Variants in UNKL observed in about 807,000 individuals in gnomAD.
UNKL encodes putative E3 ubiquitin-protein ligase UNKL.
A neutral mutation model predicts 78.0 loss-of-function variants in UNKL; 60 were observed. The observed-to-expected ratio is 0.77, with a 90% CI of 0.63 to 0.95. UNKL has a LOEUF of 0.95. Among genes scored for constraint, UNKL ranks in the 40% least tolerant of loss-of-function variants. The pLI, the probability that UNKL is intolerant of heterozygous loss-of-function variation, is 0.00. For synonymous variants in UNKL, 608 were observed against 474.8 expected, an observed-to-expected ratio of 1.28 and a Z score of -3.65; for missense variants, 1,159 against 1,045.7, an observed-to-expected ratio of 1.11 and a Z score of -1.49.
intron 11 of UNKL, among the ~76,000 whole-genome samples, chr16:1,371,155 C>T (rs924225768): frequency 1.1e-4 from 16 of 151,920 alleles, no homozygotes; most frequent in African/African-American, 3.9e-4. Flanking sequence ...ATACATTTAT[C>T]CTTCGGGGAC....
At chr16:1,389,846 C>CA (rs1306251317) in intron 9 of UNKL, among the ~76,000 whole-genome samples, 1 of 152,198 alleles carries the variant, frequency 6.6e-6, no homozygotes, top group Non-Finnish European at 1.5e-5. Flanking sequence ...GACAGGGCCT[C>CA]ACTCTGTCGC....
rs1464209137 is a variant in UNKL at position 1,364,861 on chromosome 16, G to A, written c.*1379C>T. 6.6e-6 allele frequency: 1 copy of A among 152,312 alleles called. No individual in the cohort carries two copies. The highest frequency in any genetic ancestry group is 1.9e-4 in the East Asian group (1 of 5,198). 9.4% of individuals were successfully genotyped at this position (152,312 alleles called of 1,614,324 possible). ...AGCATCTCCCACACGAGCAGGACCA[G>A]GGTGGTCACGGGTGCTGGGGAGGCA... On this transcript the variant is annotated 3_prime_UTR_variant, in exon 15 of 15. Coordinates refer to ENST00000389221, the MANE Select transcript of UNKL (RefSeq NM_001372107.1).
chr16:1,395,996 G>A (rs1376914040), intron 6 of UNKL, among the ~76,000 whole-genome samples: 4 of 152,164 alleles, frequency 2.6e-5, no homozygotes, highest in African/African-American at 9.7e-5. Context: ...AGGCTGGAGT[G>A]CAGTGGCGCA....
chr16:1,406,186 C>T, intron 2 of UNKL: 1 of 371,426 alleles, frequency 2.7e-6, no homozygotes, highest in Non-Finnish European at 5.4e-6. Flanking sequence ...ATGGGAGGAA[C>T]AGGCGTACTC....
chr16:1,380,289 G>T (rs575606158), intron 10 of UNKL, among the ~76,000 whole-genome samples: 5 of 149,502 alleles, frequency 3.3e-5, no homozygotes, highest in African/African-American at 1.2e-4. Context: ...TTAACACAAG[G>T]AAAAAACGAC....
chr16:1,390,144 G>A (rs186850950), intron 9 of UNKL, among the ~76,000 whole-genome samples: 1 of 152,126 alleles, frequency 6.6e-6, no homozygotes, highest in Non-Finnish European at 1.5e-5. Flanking sequence ...GTGCCACCAT[G>A]CCTGGCTAAT....
At position 1,365,213 on chromosome 16, in the gene UNKL, G is replaced by C. The variant is rs1485910436; in HGVS notation, c.*1027C>G. The C allele has an allele frequency of 6.6e-6, 1 of 152,070 alleles. No homozygotes were observed. Among genetic ancestry groups the C allele is most frequent in the Non-Finnish European group, 1.5e-5 (1 of 68,024 alleles). 9.4% of individuals were successfully genotyped at this position (152,070 alleles called of 1,614,324 possible). A position where few individuals can be genotyped will look rare whatever the true frequency, so the allele number is the denominator to read the frequency against. ...GCACCATGTTGGCCAGGCTGGTCTTGAACTCCTGACCTTAGGTGATCCACC... is the reference window on the plus strand; with the variant it reads ...GCACCATGTTGGCCAGGCTGGTCTTCAACTCCTGACCTTAGGTGATCCACC... On this transcript the variant is annotated 3_prime_UTR_variant, in exon 15 of 15. Coordinates refer to ENST00000389221, the MANE Select transcript of UNKL (RefSeq NM_001372107.1).
At chr16:1,398,021 G>A (rs1310611660) in intron 5 of UNKL, among the ~76,000 whole-genome samples, 1 of 152,240 alleles carries the variant, frequency 6.6e-6, no homozygotes, top group Admixed American at 6.5e-5. Context: ...AATTTAACTT[G>A]AGTCTCAGTC....
rs1283562646 is a variant in UNKL, at chr16:1,399,752, C to A, written c.599-243G>T. On this transcript the variant is annotated intron_variant, in intron 4 of 14. Transcript: ENST00000389221. This position sits in a 1 kb window ranked among gnomAD's most constrained non-coding sequence, Gnocchi z 5.8. ...GTGAAAATGCCCAGAACTAGGGAAC[C>A]CACAGAGACGGAGTGGAGCCGAGAC... Among the ~76,000 whole-genome samples, 1 of 152,202 alleles carries A rather than the reference C, an allele frequency of 6.6e-6. No individual in the cohort carries two copies. Among genetic ancestry groups the A allele is most frequent in the Non-Finnish European group, 1.5e-5 (1 of 68,040 alleles).
At chr16:1,398,679 G>GCCCCCCCCCCCCCCC in intron 5 of UNKL, 1 of 1,356,384 alleles carries the variant, frequency 7.4e-7, no homozygotes, top group Non-Finnish European at 9.5e-7. Context: ...TGTGGGGTCT[G>GCCCCCCCCCCCCCCC]CACCCCCCCA....
Position 1,370,328 on chromosome 16 carries a change from C to A in UNKL, c.1387G>T (p.Val463Phe). ...CTGGGCAGGGAGCCGGGGATGGCGA[C>A]AGGTGCAGAGCCGGCCAGCGACCTG... ...GPRSLAGSAPVAIPGSLPRAP... is the reference protein window; with the variant it reads ...GPRSLAGSAPFAIPGSLPRAP... The change falls in exon 12 of 15, where the codon GTC (valine) becomes TTC (phenylalanine). Residue 463 changes from valine (V) to phenylalanine (F), a missense_variant. By Grantham distance (50) the Val-to-Phe change is conservative. Coordinates refer to ENST00000389221, the MANE Select transcript of UNKL (RefSeq NM_001372107.1). 6.5e-7 allele frequency: 1 copy of A among 1,532,994 alleles called. No individual in the cohort carries two copies. Among genetic ancestry groups the A allele is most frequent in the Non-Finnish European group, 8.7e-7 (1 of 1,145,846 alleles). 95.0% of individuals were successfully genotyped at this position (1,532,994 alleles called of 1,614,324 possible). A position where few individuals can be genotyped will look rare whatever the true frequency, so the allele number is the denominator to read the frequency against.
chr16:1,390,955 A>G lies in UNKL; in HGVS notation c.1024-261T>C, dbSNP rs2037021373. The stretch of plus-strand genomic sequence containing the variant: ...TGAGGCAAGAAAATCGCTTGAACCC[A>G]GGAGGTGGAGGTTGCAGTGAGCCGA... On this transcript the variant is annotated intron_variant, in intron 8 of 14. Transcript: ENST00000389221. Among the ~76,000 whole-genome samples, 3 of 152,216 alleles carry G rather than the reference A, an allele frequency of 2.0e-5. No individual in the cohort carries two copies. In the South Asian group the frequency reaches 6.2e-4, roughly 32 times the overall value.
intron 2 of UNKL, among the ~76,000 whole-genome samples, chr16:1,409,453 C>T (rs899699145): frequency 6.6e-5 from 10 of 152,180 alleles, no homozygotes; most frequent in African/African-American, 2.4e-4. Context: ...CCTAAAGGGC[C>T]GGTCGAAGCA....
Position 1,401,659 on chromosome 16 carries a change from G to T in UNKL, c.507C>A (p.Gly169=). ...GCAGATCCGGGACCCCTTCCCCGCC[G>T]CCCAGCTGGCCGTTCTGCAAGGCTT... is the stretch of plus-strand genomic sequence containing the variant. The part of the protein sequence containing the change: ...AQEALQNGQL[G]GGEGVPDLQP... The change falls in exon 4 of 15, where the codon GGC becomes GGA. Residue 169 remains glycine, a synonymous_variant. Coordinates refer to ENST00000389221, the MANE Select transcript of UNKL (RefSeq NM_001372107.1). 1 of 1,611,722 alleles carries T rather than the reference G, an allele frequency of 6.2e-7. No homozygotes were observed. Among genetic ancestry groups the T allele is most frequent in the Non-Finnish European group, 8.5e-7 (1 of 1,179,168 alleles).
At chr16:1,394,542 T>A in intron 6 of UNKL, 1 of 521,206 alleles carries the variant, frequency 1.9e-6, no homozygotes, top group Non-Finnish European at 3.7e-6. Flanking sequence ...AGGTGCCTAA[T>A]AAGTGCCTAT....
At chr16:1,383,989 C>A in intron 10 of UNKL, 1 of 208,818 alleles carries the variant, frequency 4.8e-6, no homozygotes, top group Non-Finnish European at 1.1e-5. Flanking sequence ...CCTCACTGTA[C>A]CCCCAACCCC....
At chr16:1,371,039 C>A (rs1293701173) in intron 11 of UNKL, among the ~76,000 whole-genome samples, 1 of 147,682 alleles carries the variant, frequency 6.8e-6, no homozygotes, top group Non-Finnish European at 1.5e-5. Flanking sequence ...GCGGAGATCG[C>A]GCCACTGCAC....
At position 1,399,360 on chromosome 16, in the gene UNKL, T is replaced by A; in HGVS notation, c.734+14A>T. 6.4e-7 allele frequency: 1 copy of A among 1,574,310 alleles called. No homozygotes were observed. On this transcript the variant is annotated intron_variant, in intron 5 of 14. Coordinates refer to ENST00000389221, the MANE Select transcript of UNKL (RefSeq NM_001372107.1). This position sits in a 1 kb window ranked among gnomAD's most constrained non-coding sequence, Gnocchi z 5.8. ...ACCAGCCGGAGTCCTCTGAGCACGG[T>A]CCCGCAGGCTCACCTGTACTGGAAC...
intron 10 of UNKL, among the ~76,000 whole-genome samples, chr16:1,376,016 G>A (rs186731776): frequency 6.6e-6 from 1 of 152,204 alleles, no homozygotes; most frequent in Non-Finnish European, 1.5e-5. Flanking sequence ...AGCGGCCTTG[G>A]ACAGGTGGCT....
Sources: gnomAD v4.1 joint callset for allele counts (sites outside exome capture counted in the v4.1 genomes callset) on GRCh38, gnomAD v4.1.1 for gene constraint, Gnocchi (gnomAD v3.1) non-coding constraint, MANE v1.5 for transcripts, NCBI Gene and HGNC (gene_info 2026-07-23, HGNC 2026-07-21) for gene names.